FBXL14: variants seen among roughly 807,000 people sequenced by gnomAD.
The protein encoded by FBXL14 is F-box and leucine rich repeat protein 14, also known as F-box/LRR-repeat protein 14.
In FBXL14, 11 loss-of-function variants were observed where a neutral mutation model predicts 24.5. That is an observed-to-expected ratio of 0.45 (90% CI 0.28 to 0.74). The LOEUF (loss-of-function observed/expected upper bound fraction) is 0.74. Among genes scored for constraint, FBXL14 ranks in the 30% least tolerant of loss-of-function variants. The pLI is 0.12. For synonymous variants in FBXL14, 294 were observed against 240.4 expected, an observed-to-expected ratio of 1.22 and a Z score of -2.06; for missense variants, 384 against 545.6, an observed-to-expected ratio of 0.70 and a Z score of 2.95.
chr12:1,570,055 T>C (rs988025588), intron 1 of FBXL14, among the ~76,000 whole-genome samples: 32 of 152,106 alleles, frequency 2.1e-4, no homozygotes, highest in Admixed American at 2.1e-3. Context: ...GGAAGAGGGG[T>C]TTTTCCCCTC....
chr12:1,590,521 G>T (rs1049585459), intron 1 of FBXL14, among the ~76,000 whole-genome samples: 1 of 152,060 alleles, frequency 6.6e-6, no homozygotes, highest in Admixed American at 6.5e-5. Context: ...CACACCCATA[G>T]GTCTCCACAG....
rs11614821 is a variant in FBXL14, at chr12:1,566,370, G to T, written c.*378C>A. 20,032 of 163,052 alleles carry T rather than the reference G, an allele frequency of 0.12. 1,669 individuals are homozygous for T. Among genetic ancestry groups the T allele is most frequent in the Non-Finnish European group, 0.18 (13,429 of 75,506 alleles). 10.1% of individuals were successfully genotyped at this position (163,052 alleles called of 1,614,324 possible). The stretch of plus-strand genomic sequence containing the variant: ...TTATATGTATATATATAATACCCCT[G>T]TACATAGATATATGTACACATGTAT... On this transcript the variant is annotated 3_prime_UTR_variant, in exon 2 of 2. Coordinates refer to ENST00000339235, the MANE Select transcript of FBXL14 (RefSeq NM_152441.3).
At chr12:1,570,910 G>T (rs892107576) in intron 1 of FBXL14, among the ~76,000 whole-genome samples, 1 of 152,042 alleles carries the variant, frequency 6.6e-6, no homozygotes, top group South Asian at 2.1e-4. Flanking sequence ...GCCTAGTGTC[G>T]CCATGTAATG....
intron 1 of FBXL14, among the ~76,000 whole-genome samples, chr12:1,573,776 G>A (rs941584006): frequency 3.3e-5 from 5 of 152,266 alleles, no homozygotes; most frequent in East Asian, 1.9e-4. Flanking sequence ...AGGCCAAGGC[G>A]GGCGGATCAC....
Position 1,569,427 on chromosome 12 carries a change from G to A in FBXL14, c.1195-2617C>T, listed in dbSNP as rs2154437655. Among the ~76,000 whole-genome samples the A allele has an allele frequency of 6.8e-6, 1 of 146,148 alleles. No homozygotes were observed. Among genetic ancestry groups the A allele is most frequent in the East Asian group, 2.0e-4 (1 of 5,030 alleles). On this transcript the variant is annotated intron_variant, in intron 1 of 1. Transcript: ENST00000339235. The surrounding 1 kb of genome is among the most constrained non-coding windows in gnomAD (Gnocchi z 4.2). ...TTTTTTTTTTTTTGTCTGAGACGGA[G>A]TCTCGCTCTGTCACCCAGGCTAGAG...
intron 1 of FBXL14, among the ~76,000 whole-genome samples, chr12:1,571,679 G>A (rs2094445778): frequency 1.3e-5 from 2 of 152,168 alleles, no homozygotes; most frequent in South Asian, 4.1e-4. Context: ...TTATCAAAGA[G>A]CGACTTTTTA....
At position 1,593,556 on chromosome 12, in the gene FBXL14, G is replaced by C; in HGVS notation, c.511C>G (p.Leu171Val). ...LLLIAWGLQR[L>V]KSLNLRSCRH... is the part of the protein sequence containing the mutation. ...CAGCTGCGGAGGTTAAGGCTCTTGA[G>C]GCGCTGCAGACCCCAGGCGATGAGC... is the stretch of plus-strand genomic sequence containing the variant. The change falls in exon 1 of 2, where the codon CTC (leucine) becomes GTC (valine). Residue 171 changes from leucine to valine, a missense_variant. Leu to Val is a conservative substitution (Grantham distance 32). Coordinates refer to ENST00000339235, the MANE Select transcript of FBXL14 (RefSeq NM_152441.3). The surrounding 1 kb of genome is among the most constrained non-coding windows in gnomAD (Gnocchi z 7.4). The C allele has an allele frequency of 6.2e-7, 1 of 1,614,136 alleles. No individual in the cohort carries two copies. Among genetic ancestry groups the C allele is most frequent in the Non-Finnish European group, 8.5e-7 (1 of 1,180,032 alleles).
chr12:1,568,804 T>G (rs938229011), intron 1 of FBXL14, among the ~76,000 whole-genome samples: 4 of 152,120 alleles, frequency 2.6e-5, no homozygotes, highest in Non-Finnish European at 2.9e-5. Context: ...GAGGTTGCAG[T>G]GAGCCGAGAT....
chr12:1,581,463 T>G (rs1466331995), intron 1 of FBXL14, among the ~76,000 whole-genome samples: 1 of 152,126 alleles, frequency 6.6e-6, no homozygotes, highest in Non-Finnish European at 1.5e-5. Flanking sequence ...TCACGTGGTT[T>G]GGATGGAGAA....
intron 1 of FBXL14, among the ~76,000 whole-genome samples, chr12:1,581,334 G>C (rs1592470970): frequency 6.6e-6 from 1 of 152,160 alleles, no homozygotes; most frequent in Non-Finnish European, 1.5e-5. Context: ...CTGAGCCACG[G>C]GAACCTCCTG....
In FBXL14 at chr12:1,569,536, G is replaced by C. The variant is rs900577789; in HGVS notation, c.1195-2726C>G. On this transcript the variant is annotated intron_variant, in intron 1 of 1. Coordinates refer to ENST00000339235, the MANE Select transcript of FBXL14 (RefSeq NM_152441.3). The surrounding 1 kb of genome is among the most constrained non-coding windows in gnomAD (Gnocchi z 4.2). Reference sequence around the variant, plus strand: ...CTGCCTCAGCCTCCTGAGTAGCTGGGATTACAGGCGCCCGCCACCACGCCC... The same window carrying C: ...CTGCCTCAGCCTCCTGAGTAGCTGGCATTACAGGCGCCCGCCACCACGCCC... 6.6e-6 allele frequency among the ~76,000 whole-genome samples: 1 copy of C among 152,064 alleles called. No homozygotes were observed. Among genetic ancestry groups the C allele is most frequent in the South Asian group, 2.1e-4 (1 of 4,830 alleles).
chr12:1,586,524 G>T (rs949007664), intron 1 of FBXL14, among the ~76,000 whole-genome samples: 4 of 152,108 alleles, frequency 2.6e-5, no homozygotes, highest in Non-Finnish European at 5.9e-5. Context: ...CATCTCTGAA[G>T]AGAGACAGGG....
chr12:1,577,714 G>A (rs1327690599), intron 1 of FBXL14, among the ~76,000 whole-genome samples: 1 of 152,250 alleles, frequency 6.6e-6, no homozygotes, highest in Admixed American at 6.5e-5. Context: ...ACCATCCCAA[G>A]CAGGGTCTGC....
chr12:1,570,250 A>G (rs1005029890), intron 1 of FBXL14, among the ~76,000 whole-genome samples: 2 of 152,184 alleles, frequency 1.3e-5, no homozygotes, highest in Non-Finnish European at 2.9e-5. Flanking sequence ...AAGACAGCCA[A>G]TCAAGAGTGG....
At chr12:1,573,439 A>G (rs753384520) in intron 1 of FBXL14, among the ~76,000 whole-genome samples, 7 of 152,194 alleles carry the variant, frequency 4.6e-5, no homozygotes, top group Non-Finnish European at 8.8e-5. Context: ...AGCTCAGCAC[A>G]TACGTTCAAC....
chr12:1,594,737 G>A (rs2094498266), upstream of FBXL14, among the ~76,000 whole-genome samples: 1 of 149,798 alleles, frequency 6.7e-6, no homozygotes, highest in Non-Finnish European at 1.5e-5. Context: ...CCGTCCGGCC[G>A]GAGCGCGGCT....
intron 1 of FBXL14, among the ~76,000 whole-genome samples, chr12:1,576,138 T>C (rs1209597549): frequency 6.6e-6 from 1 of 152,152 alleles, no homozygotes; most frequent in African/African-American, 2.4e-5. Context: ...TTACTGCAGA[T>C]GAAGCAGGGA....
At chr12:1,574,569 A>G in intron 1 of FBXL14, 1 of 250,888 alleles carries the variant, frequency 4.0e-6, no homozygotes, top group Non-Finnish European at 7.9e-6. Context: ...GGACAAGGAT[A>G]GCAACTGAGT....
rs372100810 is a variant in FBXL14 at position 1,592,585 on chromosome 12, C to A, written c.1194+288G>T. ...CAGTAGCTGAATCAGTCCTCCACCC[C>A]CTGCAGGGGAGTGGGTGGGTAAGCA... On this transcript the variant is annotated intron_variant, in intron 1 of 1. Transcript: ENST00000339235. Among the ~76,000 whole-genome samples the A allele has an allele frequency of 1.3e-4, 20 of 152,326 alleles. No individual in the cohort carries two copies. In the South Asian group the frequency reaches 3.7e-3, roughly 28 times the overall value.
Sources: allele counts gnomAD v4.1 joint callset (sites outside exome capture counted in the v4.1 genomes callset), GRCh38; gene constraint gnomAD v4.1.1; non-coding constraint Gnocchi (gnomAD v3.1); transcripts MANE v1.5; gene names NCBI Gene and HGNC (gene_info 2026-07-23, HGNC 2026-07-21).